The following CATSPERE variants were observed in gnomAD, a reference collection of about 807,000 sequenced individuals.
CATSPERE encodes the protein catsper channel auxiliary subunit epsilon.
In CATSPERE, 93 loss-of-function variants were observed where a neutral mutation model predicts 114.1. The ratio of observed to expected loss-of-function variants is 0.81; its 90% CI spans 0.69 to 0.97. The LOEUF (loss-of-function observed/expected upper bound fraction) is 0.97, where lower values mean the gene tolerates loss of function less well. Ranked by LOEUF, CATSPERE falls within the 50% of genes least tolerant of loss-of-function variation. The probability of loss-of-function intolerance (pLI) is 0.00; values close to 1 mark genes in which losing one functional copy is unlikely to be tolerated. For missense variants in CATSPERE, 1,058 were observed against 1,131.6 expected, an observed-to-expected ratio of 0.93 and a Z score of 0.93; for synonymous variants, 341 against 384.1, an observed-to-expected ratio of 0.89 and a Z score of 1.31.
chr1:244,491,771 G>A (rs1399118007), intron 6 of CATSPERE, among the ~76,000 whole-genome samples: 4 of 152,208 alleles, frequency 2.6e-5, no homozygotes, highest in African/African-American at 2.4e-5. Context: ...TATCACCACC[G>A]ATCCCATAGA....
At chr1:244,463,844 G>C in intron 1 of CATSPERE, 64 bp from the exon 2 acceptor site, 1 of 1,383,644 alleles carries the variant, frequency 7.2e-7, no homozygotes, top group South Asian at 1.2e-5. Context: ...TGACCATGTA[G>C]AGAATCCTCA....
At chr1:244,566,246 A>T (rs957165985) in intron 10 of CATSPERE, among the ~76,000 whole-genome samples, 10 of 152,120 alleles carry the variant, frequency 6.6e-5, no homozygotes, top group Non-Finnish European at 1.2e-4. Context: ...CTAATTAATT[A>T]TGTGGTCGAT....
At chr1:244,637,319 T>C (rs185108678) in intron 21 of CATSPERE, among the ~76,000 whole-genome samples, 2 of 152,116 alleles carry the variant, frequency 1.3e-5, no homozygotes, top group South Asian at 2.1e-4. Context: ...ACACTCACAC[T>C]GTTTTCCTCT....
chr1:244,502,885 G>A (rs564581096), intron 7 of CATSPERE, among the ~76,000 whole-genome samples: 4 of 152,276 alleles, frequency 2.6e-5, no homozygotes, highest in East Asian at 3.9e-4. Flanking sequence ...TTGCCTCACA[G>A]AGGAGAGAAA....
At chr1:244,514,059 G>T (rs888771686) in intron 7 of CATSPERE, among the ~76,000 whole-genome samples, 2 of 152,088 alleles carry the variant, frequency 1.3e-5, no homozygotes, top group African/African-American at 4.8e-5. Flanking sequence ...TTTTTATTCT[G>T]TTCATAGGGA....
intron 1 of CATSPERE, among the ~76,000 whole-genome samples, chr1:244,463,326 G>A (rs551104012): frequency 3.9e-5 from 6 of 152,022 alleles, no homozygotes; most frequent in South Asian, 2.1e-4. Context: ...TCAGATAGAC[G>A]GGAATTAAGA....
intron 17 of CATSPERE, among the ~76,000 whole-genome samples, chr1:244,604,692 A>AAC (rs1319079675): frequency 1.3e-5 from 2 of 152,248 alleles, no homozygotes; most frequent in Non-Finnish European, 2.9e-5. Context: ...ATTCAGAAAT[A>AAC]TGGGAGTAAC....
chr1:244,625,426 A>ATTTTTTTTTT (rs1326525192), intron 20 of CATSPERE, among the ~76,000 whole-genome samples: 43 of 3,942 alleles, frequency 0.011, 8 homozygotes, highest in African/African-American at 0.012. Context: ...ATATATATAT[A>ATTTTTTTTTT]TATATATTTT....
intron 17 of CATSPERE, among the ~76,000 whole-genome samples, chr1:244,596,776 T>TA (rs1157727087): frequency 1.8e-4 from 24 of 131,580 alleles, no homozygotes; most frequent in African/African-American, 3.8e-4. Context: ...AAAGTAAAAT[T>TA]TAAAAAAAAA....
chr1:244,522,952 A>G (rs1031279157), intron 8 of CATSPERE, among the ~76,000 whole-genome samples: 2 of 152,156 alleles, frequency 1.3e-5, no homozygotes, highest in Non-Finnish European at 2.9e-5. Flanking sequence ...TCCAATCAGT[A>G]GAAAAAGAGG....
chr1:244,570,536 A>AT (rs1284779040), intron 10 of CATSPERE, among the ~76,000 whole-genome samples: 2 of 152,202 alleles, frequency 1.3e-5, no homozygotes, highest in Non-Finnish European at 2.9e-5. Flanking sequence ...TTTTCTAAGC[A>AT]TTTAAAGCTA....
At chr1:244,621,340 A>T (rs1672369576) in intron 20 of CATSPERE, among the ~76,000 whole-genome samples, 1 of 123,932 alleles carries the variant, frequency 8.1e-6, no homozygotes, top group African/African-American at 3.1e-5. Flanking sequence ...ATATATATAT[A>T]TATATTCCCT....
intron 8 of CATSPERE, among the ~76,000 whole-genome samples, chr1:244,528,785 C>CCACGCACGCGCACACACACA (rs1553342506): frequency 4.6e-5 from 6 of 130,536 alleles, no homozygotes; most frequent in African/African-American, 1.5e-4. Context: ...CAATCCCCCA[C>CCACGCACGCGCACACACACA]CACACACACA....
intron 12 of CATSPERE, among the ~76,000 whole-genome samples, chr1:244,583,341 A>G (rs904982218): frequency 1.3e-4 from 20 of 152,194 alleles, no homozygotes; most frequent in African/African-American, 4.3e-4. Flanking sequence ...ATAGTGGAGA[A>G]AGGCATTCTA....
At chr1:244,528,883 A>G (rs1407394137) in intron 8 of CATSPERE, among the ~76,000 whole-genome samples, 3 of 151,220 alleles carry the variant, frequency 2.0e-5, no homozygotes, top group Non-Finnish European at 4.4e-5. Context: ...CAAGAGTTCA[A>G]TTGTTTTAAT....
chr1:244,574,885 C>T (rs1274454262), intron 11 of CATSPERE, among the ~76,000 whole-genome samples: 2 of 152,176 alleles, frequency 1.3e-5, no homozygotes, highest in East Asian at 1.9e-4. Flanking sequence ...CCTTTTATAA[C>T]TTTTTTTATG....
At chr1:244,453,545 GT>G (rs1665826685), upstream of CATSPERE, among the ~76,000 whole-genome samples, 2 of 152,298 alleles carry the variant, frequency 1.3e-5, no homozygotes, top group Admixed American at 1.3e-4. Flanking sequence ...CTACCTACTC[GT>G]GGTTCAGTGG....
intron 6 of CATSPERE, among the ~76,000 whole-genome samples, chr1:244,497,403 C>T (rs1243505142): frequency 6.6e-6 from 1 of 150,956 alleles, no homozygotes; most frequent in South Asian, 2.1e-4. Context: ...AGAAACAATC[C>T]AACAAAAAAA....
chr1:244,509,322 C>G (rs1675333322), intron 7 of CATSPERE, among the ~76,000 whole-genome samples: 1 of 151,834 alleles, frequency 6.6e-6, no homozygotes, highest in Admixed American at 6.6e-5. Flanking sequence ...TATTCTGCAT[C>G]TGTTAAGACA....
Sources: allele counts gnomAD v4.1 joint callset (sites outside exome capture counted in the v4.1 genomes callset), GRCh38; gene constraint gnomAD v4.1.1; transcripts MANE v1.5; gene names NCBI Gene and HGNC (gene_info 2026-07-23, HGNC 2026-07-21).